RREB1: variants seen among roughly 807,000 people sequenced by gnomAD.
RREB1 encodes the protein ras responsive element binding protein 1.
In RREB1, 27 loss-of-function variants were observed where a neutral mutation model predicts 117.8. The ratio of observed to expected loss-of-function variants is 0.23; its 90% confidence interval spans 0.17 to 0.32. The LOEUF (loss-of-function observed/expected upper bound fraction) is 0.32. Ranked by LOEUF, RREB1 falls within the 10% of genes least tolerant of loss-of-function variation. The probability of loss-of-function intolerance (pLI) is 1.00; values close to 1 mark genes in which losing one functional copy is unlikely to be tolerated. For synonymous variants in RREB1, 1,298 were observed against 1,026.7 expected (o/e 1.26, Z -5.05); for missense variants, 2,577 against 2,378.2 (o/e 1.08, Z -1.74).
At chr6:7,115,276 A>G (rs1369928842) in intron 1 of RREB1, among the ~76,000 whole-genome samples, 1 of 152,108 alleles carries the variant, frequency 6.6e-6, no homozygotes, top group Non-Finnish European at 1.5e-5. Context: ...CCCAGGCCTC[A>G]GACCAGAAAT....
At chr6:7,237,623 C>G (rs1054089951) in intron 10 of RREB1, among the ~76,000 whole-genome samples, 3 of 152,186 alleles carry the variant, frequency 2.0e-5, no homozygotes, top group Non-Finnish European at 4.4e-5. Context: ...TTTTACAAAT[C>G]CCCTTCTAAA....
At chr6:7,133,972 CTT>C (rs1762253479) in intron 1 of RREB1, among the ~76,000 whole-genome samples, 1 of 151,958 alleles carries the variant, frequency 6.6e-6, no homozygotes, top group African/African-American at 2.4e-5. Context: ...TATGACAAGT[CTT>C]TTTTGGTGTA....
intron 10 of RREB1, among the ~76,000 whole-genome samples, chr6:7,235,872 C>T (rs1768281674): frequency 6.6e-6 from 1 of 152,206 alleles, no homozygotes; most frequent in African/African-American, 2.4e-5. Context: ...TGGCAAGGAG[C>T]ATGTGGCCTC....
At chr6:7,117,589 A>T (rs966829816) in intron 1 of RREB1, among the ~76,000 whole-genome samples, 1 of 151,360 alleles carries the variant, frequency 6.6e-6, no homozygotes, top group South Asian at 2.1e-4. Context: ...TATTTTTTTT[A>T]GTAGAGATGG....
chr6:7,246,733 A>G lies in RREB1; in HGVS notation c.4283A>G (p.Lys1428Arg). 1 of 1,579,192 alleles carries G rather than the reference A, an allele frequency of 6.3e-7. No individual in the cohort carries two copies. The highest frequency in any genetic ancestry group is 8.6e-7 in the Non-Finnish European group (1 of 1,163,030). The change falls in exon 12 of 13, where the codon AAG becomes AGG. Residue 1428 changes from lysine to arginine, a missense_variant. Lys to Arg is a conservative substitution (Grantham distance 26). Coordinates refer to ENST00000379938, the MANE Select transcript of RREB1 (RefSeq NM_001003699.4). ...TTCGCCACCAAGCTCATGGACTTCA[A>G]GCTGGCGGAGGGCGACGGCGAGGCA... Reference protein sequence around the residue: ...LDFATKLMDFKLAEGDGEAGA... With the variant: ...LDFATKLMDFRLAEGDGEAGA...
At chr6:7,175,722 T>A (rs748034822) in intron 1 of RREB1, among the ~76,000 whole-genome samples, 1 of 152,202 alleles carries the variant, frequency 6.6e-6, no homozygotes, top group Non-Finnish European at 1.5e-5. Context: ...TTTGAAGCCC[T>A]TGACACCCCA....
At chr6:7,213,379 T>C (rs1464153760) in intron 8 of RREB1, 1 of 152,206 alleles carries the variant, frequency 6.6e-6, no homozygotes, top group Non-Finnish European at 1.5e-5. Context: ...TTGGCCAGGC[T>C]TGTCTCAAAC....
At chr6:7,122,926 A>G (rs1021053899) in intron 1 of RREB1, among the ~76,000 whole-genome samples, 28 of 152,280 alleles carry the variant, frequency 1.8e-4, no homozygotes, top group African/African-American at 6.7e-4. Flanking sequence ...CTTTTGGATA[A>G]CCCATCCACA....
intron 10 of RREB1, among the ~76,000 whole-genome samples, chr6:7,239,438 T>C (rs964052862): frequency 6.6e-6 from 1 of 152,218 alleles, no homozygotes; most frequent in Non-Finnish European, 1.5e-5. Context: ...CTTTTTCCCT[T>C]GTGCTTTCTT....
rs780085569 is a variant in RREB1, at chr6:7,246,838, T to C, written c.4388T>C (p.Leu1463Pro). Reference protein sequence around the residue: ...CGKSFKFLGTLSRHRKAHGRQ... With the variant: ...CGKSFKFLGTPSRHRKAHGRQ... The stretch of plus-strand genomic sequence containing the variant: ...AAGAGCTTCAAGTTCCTGGGCACCC[T>C]GAGCCGCCACCGGAAGGCGCACGGC... Residue 1463 changes from leucine to proline, a missense_variant, in exon 12 of 13, where the codon CTG becomes CCG. Physicochemically the swap from Leu to Pro is moderately conservative, Grantham distance 98. Coordinates refer to ENST00000379938, the MANE Select transcript of RREB1 (RefSeq NM_001003699.4). 116 of 1,553,168 alleles carry C rather than the reference T, an allele frequency of 7.5e-5. No homozygotes were observed. The highest frequency in any genetic ancestry group is 1.0e-4 in the Non-Finnish European group (115 of 1,148,728).
chr6:7,214,266 C>T (rs17672692), intron 8 of RREB1: 18,412 of 152,324 alleles, frequency 0.12, 1,568 homozygotes, highest in Non-Finnish European at 0.18. Context: ...GGATTTTCCT[C>T]ACCTGTTTAC....
intron 5 of RREB1, chr6:7,187,731 G>T (rs1441815794): frequency 3.6e-6 from 1 of 275,524 alleles, no homozygotes; most frequent in African/African-American, 2.2e-5. Context: ...ACAGGGCAGG[G>T]TAATTGGATT....
intron 1 of RREB1, among the ~76,000 whole-genome samples, chr6:7,125,919 A>T (rs938736863): frequency 9.2e-5 from 14 of 152,204 alleles, no homozygotes; most frequent in Non-Finnish European, 1.5e-5. Flanking sequence ...GAACTGGCAG[A>T]TACTGAATTA....
chr6:7,175,661 ATGCT>A (rs1292159713), intron 1 of RREB1, among the ~76,000 whole-genome samples: 1 of 152,230 alleles, frequency 6.6e-6, no homozygotes, highest in African/African-American at 2.4e-5. Context: ...ATGTGGCCAC[ATGCT>A]GTAGCTCTGG....
At chr6:7,154,453 A>G (rs1763266581) in intron 1 of RREB1, among the ~76,000 whole-genome samples, 1 of 152,194 alleles carries the variant, frequency 6.6e-6, no homozygotes, top group Non-Finnish European at 1.5e-5. Flanking sequence ...GGACTAATAG[A>G]CACTTGCTAA....
At chr6:7,239,467 G>T (rs772027223) in intron 10 of RREB1, among the ~76,000 whole-genome samples, 1 of 151,890 alleles carries the variant, frequency 6.6e-6, no homozygotes, top group Non-Finnish European at 1.5e-5. Context: ...ACATGCATCC[G>T]CACAAACCCA....
chr6:7,240,120 T>C (rs899678050), intron 10 of RREB1, among the ~76,000 whole-genome samples: 3 of 152,220 alleles, frequency 2.0e-5, no homozygotes, highest in Non-Finnish European at 2.9e-5. Flanking sequence ...CTCTAAAATC[T>C]CTTCATTCGC....
chr6:7,177,521 A>T (rs982092648), intron 2 of RREB1, among the ~76,000 whole-genome samples: 1 of 151,960 alleles, frequency 6.6e-6, no homozygotes, highest in Non-Finnish European at 1.5e-5. Context: ...AAGAGATTAT[A>T]TTAGAATATG....
chr6:7,233,044 C>T (rs1336116769), intron 10 of RREB1, among the ~76,000 whole-genome samples: 1 of 152,062 alleles, frequency 6.6e-6, no homozygotes, highest in African/African-American at 2.4e-5. Flanking sequence ...TACAGGCATG[C>T]GCCACCATGC....
Sources: gnomAD v4.1 joint callset for allele counts (sites outside exome capture counted in the v4.1 genomes callset) on GRCh38, gnomAD v4.1.1 for gene constraint, MANE v1.5 for transcripts, NCBI Gene and HGNC (gene_info 2026-07-23, HGNC 2026-07-21) for gene names.